Variants in PIEZO2 observed in about 807,000 individuals in gnomAD.
The protein encoded by PIEZO2 is piezo-type mechanosensitive ion channel component 2.
Under a neutral mutation model 337.3 loss-of-function variants are expected in PIEZO2, and 172 were observed. That is an observed-to-expected ratio of 0.51 (90% confidence interval 0.45 to 0.58). The LOEUF (loss-of-function observed/expected upper bound fraction) is 0.58. Ranked by LOEUF, PIEZO2 falls within the 20% of genes least tolerant of loss-of-function variation. The probability of loss-of-function intolerance (pLI) is 0.00; values close to 1 mark genes in which losing one functional copy is unlikely to be tolerated. For missense variants in PIEZO2, 3,028 were observed against 3,391.3 expected, an observed-to-expected ratio of 0.89 and a Z score of 2.66; for synonymous variants, 1,251 against 1,228.5, an observed-to-expected ratio of 1.02 and a Z score of -0.38.
chr18:10,676,671 C>T lies in PIEZO2; in HGVS notation c.8081+1076G>A, dbSNP rs920761536. 6.6e-6 allele frequency among the ~76,000 whole-genome samples: 1 copy of T among 152,190 alleles called. No individual in the cohort carries two copies. Among genetic ancestry groups the T allele is most frequent in the African/African-American group, 2.4e-5 (1 of 41,434 alleles). On this transcript the variant is annotated intron_variant, in intron 53 of 55. Transcript: ENST00000674853. The surrounding 1 kb of genome is among the most constrained non-coding windows in gnomAD (Gnocchi z 5.1). ...GTCAGATAAGAGCAAGGTTTGTCAT[C>T]TAGAGATGAGATCAATACTTTTTGG...
At chr18:10,778,599 T>G (rs1271975094) in intron 18 of PIEZO2, among the ~76,000 whole-genome samples, 3 of 152,178 alleles carry the variant, frequency 2.0e-5, no homozygotes, top group Non-Finnish European at 4.4e-5. Context: ...CCCAAGGTGC[T>G]GGGATTACAG....
chr18:10,955,666 A>G (rs2033486613), intron 3 of PIEZO2, among the ~76,000 whole-genome samples: 1 of 152,242 alleles, frequency 6.6e-6, no homozygotes, highest in Admixed American at 6.5e-5. Context: ...GATCTCTACT[A>G]TATTTTTCAC....
chr18:11,029,288 C>T (rs1313388956), intron 2 of PIEZO2, among the ~76,000 whole-genome samples: 2 of 152,182 alleles, frequency 1.3e-5, no homozygotes, highest in Non-Finnish European at 2.9e-5. Flanking sequence ...CCACCACTGT[C>T]CTGCTGCTAA....
Position 10,993,671 on chromosome 18 carries a change from C to T in PIEZO2, c.161-14011G>A, listed in dbSNP as rs560204564. 2.6e-3 allele frequency among the ~76,000 whole-genome samples: 402 copies of T among 152,122 alleles called. 1 individual carries two copies. The highest frequency in any genetic ancestry group is 7.9e-3 in the African/African-American group (328 of 41,506). On this transcript the variant is annotated intron_variant, in intron 2 of 55. Transcript: ENST00000674853. This position sits in a 1 kb window ranked among gnomAD's most constrained non-coding sequence, Gnocchi z 5.0. The stretch of plus-strand genomic sequence containing the variant: ...CCTCCTGAGTAGCTGAGACTACAGG[C>T]GCCTCTCACAATGCCCGGCTAATTT...
chr18:10,781,842 C>T lies in PIEZO2; in HGVS notation c.2493-1476G>A, dbSNP rs1189259446. Among the ~76,000 whole-genome samples the T allele has an allele frequency of 2.0e-5, 3 of 152,000 alleles. No individual in the cohort carries two copies. The highest frequency in any genetic ancestry group is 2.1e-4 in the South Asian group (1 of 4,830). ...ACAGTGTGGAAATCAGCTTAACGAG[C>T]GAATCGGTTATTCCTGATCTGTGGG... On this transcript the variant is annotated intron_variant, in intron 17 of 55. Coordinates refer to ENST00000674853, the MANE Select transcript of PIEZO2 (RefSeq NM_001378183.1). The surrounding 1 kb of genome is among the most constrained non-coding windows in gnomAD (Gnocchi z 4.1).
At chr18:10,680,132 T>C in intron 52 of PIEZO2, 67 bp downstream of exon 52, 1 of 1,309,230 alleles carries the variant, frequency 7.6e-7, no homozygotes, top group Non-Finnish European at 1.0e-6. Flanking sequence ...CACCACACCC[T>C]CCCTCCCCCA....
At chr18:11,142,855 G>T (rs1309464914) in intron 1 of PIEZO2, among the ~76,000 whole-genome samples, 5 of 151,576 alleles carry the variant, frequency 3.3e-5, no homozygotes, top group African/African-American at 1.2e-4. Context: ...AAGGTCGGGG[G>T]ATCACGAGGT....
chr18:10,715,204 TA>T (rs2035964750), intron 38 of PIEZO2, among the ~76,000 whole-genome samples: 1 of 152,250 alleles, frequency 6.6e-6, no homozygotes, highest in East Asian at 1.9e-4. Context: ...ATACAGTCTT[TA>T]AACCATATAT....
chr18:11,059,767 G>A (rs1177282175), intron 2 of PIEZO2, among the ~76,000 whole-genome samples: 1 of 152,184 alleles, frequency 6.6e-6, no homozygotes, highest in Non-Finnish European at 1.5e-5. Context: ...CAAGTCCTTA[G>A]AGACCTAGAA....
At chr18:10,692,111 A>C (rs77316777) in intron 47 of PIEZO2, among the ~76,000 whole-genome samples, 2,330 of 152,154 alleles carry the variant, frequency 0.015, 59 homozygotes, top group African/African-American at 0.053. Context: ...CTCCAGGTGA[A>C]TAGTGAAGAG....
chr18:11,024,980 T>A (rs2036484119), intron 2 of PIEZO2, among the ~76,000 whole-genome samples: 1 of 151,960 alleles, frequency 6.6e-6, no homozygotes, highest in Admixed American at 6.6e-5. Flanking sequence ...AACATGTGAT[T>A]TTGGCCTCCC....
Position 10,871,161 on chromosome 18 carries a change from T to C in PIEZO2, c.492+92A>G. On this transcript the variant is annotated intron_variant, in intron 5 of 55. Transcript: ENST00000674853. ...GCACTGTGAATCATAACGTGCTCTGTATGCTCAGCTGTTATTATCATAGTT... is the reference window on the plus strand; with the variant it reads ...GCACTGTGAATCATAACGTGCTCTGCATGCTCAGCTGTTATTATCATAGTT... 4 of 1,275,284 alleles carry C rather than the reference T, an allele frequency of 3.1e-6. No homozygotes were observed. In the South Asian group the frequency reaches 4.5e-5, roughly 14 times the overall value. The allele number at this position is 1,275,284 out of a possible 1,614,324, so 79.0% of individuals were successfully genotyped here.
Position 10,837,717 on chromosome 18 carries a change from G to A in PIEZO2, c.917+17636C>T, listed in dbSNP as rs962582719. On this transcript the variant is annotated intron_variant, in intron 7 of 55. Coordinates refer to ENST00000674853, the MANE Select transcript of PIEZO2 (RefSeq NM_001378183.1). This position sits in a 1 kb window ranked among gnomAD's most constrained non-coding sequence, Gnocchi z 4.4. ...GATATCCTCACAAAGCAATGTTTGT[G>A]TTCCCAACCATTTTATAAAATTTCC... Among the ~76,000 whole-genome samples the A allele has an allele frequency of 6.6e-6, 1 of 152,094 alleles. No individual in the cohort carries two copies. Among genetic ancestry groups the A allele is most frequent in the Non-Finnish European group, 1.5e-5 (1 of 68,022 alleles).
At position 10,943,560 on chromosome 18, in the gene PIEZO2, T is replaced by TTGTATACAGGGGTATACAGGAAGTATACC. The variant is rs2032837341; in HGVS notation, c.287-32333_287-32332insGGTATACTTCCTGTATACCCCTGTATACA. Among the ~76,000 whole-genome samples, 1 of 152,222 alleles carries TTGTATACAGGGGTATACAGGAAGTATACC rather than the reference T, an allele frequency of 6.6e-6. No homozygotes were observed. On this transcript the variant is annotated intron_variant, in intron 3 of 55. Transcript: ENST00000674853. This position sits in a 1 kb window ranked among gnomAD's most constrained non-coding sequence, Gnocchi z 4.5. ...TATTTGCCCAATGCCTTTACCCCCA[T>TTGTATACAGGGGTATACAGGAAGTATACC]TGTATACAGGAAGTAACTAACTTGC...
rs1209921823 is a variant in PIEZO2, at chr18:11,003,688, C to T, written c.161-24028G>A. The stretch of plus-strand genomic sequence containing the variant: ...CATCTTGGGCACACTCACATACTAG[C>T]ACACAGACTGGGACCATGTGGACAC... On this transcript the variant is annotated intron_variant, in intron 2 of 55. Coordinates refer to ENST00000674853, the MANE Select transcript of PIEZO2 (RefSeq NM_001378183.1). This position sits in a 1 kb window ranked among gnomAD's most constrained non-coding sequence, Gnocchi z 4.6. 6.6e-6 allele frequency among the ~76,000 whole-genome samples: 1 copy of T among 152,202 alleles called. No homozygotes were observed. The highest frequency in any genetic ancestry group is 1.5e-5 in the Non-Finnish European group (1 of 68,040).
chr18:11,107,043 C>T (rs2039589611), intron 1 of PIEZO2, among the ~76,000 whole-genome samples: 1 of 152,214 alleles, frequency 6.6e-6, no homozygotes, highest in African/African-American at 2.4e-5. Context: ...TTGACCCCCC[C>T]AGTGCACTTC....
rs577425499 is a variant in PIEZO2 at position 10,881,430 on chromosome 18, G to T, written c.330-10015C>A. Reference sequence around the variant, plus strand: ...TCTGTTAAAAGAGTCCTAACTCCCTGGCCTTGGCGGAGGGCATTCACAGAG... The same window carrying T: ...TCTGTTAAAAGAGTCCTAACTCCCTTGCCTTGGCGGAGGGCATTCACAGAG... On this transcript the variant is annotated intron_variant, in intron 4 of 55. Coordinates refer to ENST00000674853, the MANE Select transcript of PIEZO2 (RefSeq NM_001378183.1). 2.6e-5 allele frequency among the ~76,000 whole-genome samples: 4 copies of T among 152,322 alleles called. No homozygotes were observed. In the South Asian group the frequency reaches 6.2e-4, roughly 24 times the overall value.
At chr18:11,000,429 C>A (rs966619127) in intron 2 of PIEZO2, among the ~76,000 whole-genome samples, 3 of 152,132 alleles carry the variant, frequency 2.0e-5, no homozygotes, top group Non-Finnish European at 2.9e-5. Context: ...GCTGTAAAAT[C>A]TGAAAATGTA....
intron 2 of PIEZO2, among the ~76,000 whole-genome samples, chr18:10,990,105 T>A (rs1384628564): frequency 3.3e-5 from 5 of 152,174 alleles, no homozygotes; most frequent in Non-Finnish European, 7.4e-5. Flanking sequence ...TGAAATATTT[T>A]TAACAATTAG....
Sources: gnomAD v4.1 joint callset for allele counts (sites outside exome capture counted in the v4.1 genomes callset) on GRCh38, gnomAD v4.1.1 for gene constraint, Gnocchi (gnomAD v3.1) non-coding constraint, MANE v1.5 for transcripts, NCBI Gene and HGNC (gene_info 2026-07-23, HGNC 2026-07-21) for gene names.